PDZD8: variants seen among roughly 807,000 people sequenced by gnomAD.
PDZD8 encodes the protein PDZ domain-containing protein 8.
Under a neutral mutation model 85.8 loss-of-function variants are expected in PDZD8, and 14 were observed. The observed-to-expected ratio is 0.16, with a 90% CI of 0.11 to 0.26. The LOEUF (loss-of-function observed/expected upper bound fraction) is 0.26, where lower values mean the gene tolerates loss of function less well. Among genes scored for constraint, PDZD8 ranks in the 10% least tolerant of loss-of-function variants. The probability of loss-of-function intolerance (pLI) is 1.00; values close to 1 mark genes in which losing one functional copy is unlikely to be tolerated. For missense variants in PDZD8, 1,197 were observed against 1,424.3 expected, an observed-to-expected ratio of 0.84 and a Z score of 2.57; for synonymous variants, 592 against 568.6, an observed-to-expected ratio of 1.04 and a Z score of -0.59.
At chr10:117,364,049 G>C (rs537808956) in intron 1 of PDZD8, among the ~76,000 whole-genome samples, 4 of 152,258 alleles carry the variant, frequency 2.6e-5, no homozygotes, top group African/African-American at 9.6e-5. Context: ...AGAGAAGGTT[G>C]CAAACACATA....
intron 2 of PDZD8, among the ~76,000 whole-genome samples, chr10:117,327,194 A>G (rs527278961): frequency 1.9e-4 from 29 of 152,322 alleles, no homozygotes; most frequent in African/African-American, 7.0e-4. Context: ...ATGCAGAATG[A>G]TAGAAACTGA....
chr10:117,345,238 G>A (rs1490859243), intron 1 of PDZD8, among the ~76,000 whole-genome samples: 1 of 152,180 alleles, frequency 6.6e-6, no homozygotes, highest in Non-Finnish European at 1.5e-5. Flanking sequence ...TGGAGGTTGT[G>A]GTGAAAAGCA....
chr10:117,342,192 T>G (rs919867587), intron 1 of PDZD8, among the ~76,000 whole-genome samples: 2 of 152,226 alleles, frequency 1.3e-5, no homozygotes, highest in African/African-American at 4.8e-5. Flanking sequence ...AAGTTTGTGC[T>G]GAGTTATAAA....
At chr10:117,344,063 A>G (rs1844662492) in intron 1 of PDZD8, among the ~76,000 whole-genome samples, 1 of 152,160 alleles carries the variant, frequency 6.6e-6, no homozygotes, top group African/African-American at 2.4e-5. Flanking sequence ...CAGTTTTCTC[A>G]CTCAGGCTTC....
intron 2 of PDZD8, among the ~76,000 whole-genome samples, chr10:117,337,762 A>C (rs1430886927): frequency 6.6e-6 from 1 of 152,156 alleles, no homozygotes; most frequent in East Asian, 1.9e-4. Context: ...TCTGATTACA[A>C]TTACCAGCAA....
chr10:117,346,944 T>C (rs1347396203), intron 1 of PDZD8, among the ~76,000 whole-genome samples: 2 of 152,152 alleles, frequency 1.3e-5, no homozygotes, highest in Non-Finnish European at 2.9e-5. Context: ...CAAGCCTCTG[T>C]ACAAAACCTA....
In PDZD8 at chr10:117,310,717, C is replaced by T. The variant is rs955008845; in HGVS notation, c.1098+8155G>A. On this transcript the variant is annotated intron_variant, in intron 3 of 4. Coordinates refer to ENST00000334464, the MANE Select transcript of PDZD8 (RefSeq NM_173791.5). ...CAAGTATTATCAAATTGAACTAAAC[C>T]TGAGTTTTCATAAAAACTGACATTT... is the stretch of plus-strand genomic sequence containing the variant. Among the ~76,000 whole-genome samples the T allele has an allele frequency of 5.9e-5, 9 of 152,190 alleles. No homozygotes were observed. In the East Asian group the frequency reaches 1.4e-3, roughly 23 times the overall value.
At chr10:117,346,232 C>CAAAAA (rs59338641) in intron 1 of PDZD8, among the ~76,000 whole-genome samples, 1 of 63,658 alleles carries the variant, frequency 1.6e-5, no homozygotes, top group Non-Finnish European at 3.1e-5. Context: ...AAACTCCGTC[C>CAAAAA]AAAAAAAAAA....
chr10:117,337,720 T>C (rs1213425840), intron 2 of PDZD8, among the ~76,000 whole-genome samples: 1 of 152,202 alleles, frequency 6.6e-6, no homozygotes, highest in Non-Finnish European at 1.5e-5. Context: ...GTAGGTATCC[T>C]ATGTGGTAGG....
chr10:117,309,756 A>T (rs1844003938), intron 3 of PDZD8, among the ~76,000 whole-genome samples: 1 of 152,168 alleles, frequency 6.6e-6, no homozygotes, highest in South Asian at 2.1e-4. Flanking sequence ...TATGTGCTAA[A>T]TACTGTGCTG....
At chr10:117,308,364 A>G (rs1354976434) in intron 3 of PDZD8, among the ~76,000 whole-genome samples, 1 of 152,272 alleles carries the variant, frequency 6.6e-6, no homozygotes, top group Non-Finnish European at 1.5e-5. Flanking sequence ...AAACTTGTAC[A>G]AGAAAAAATA....
chr10:117,317,988 C>T (rs979227874), intron 3 of PDZD8, among the ~76,000 whole-genome samples: 3 of 152,076 alleles, frequency 2.0e-5, no homozygotes, highest in African/African-American at 7.2e-5. Context: ...TTCATACTGC[C>T]CAATTTTTAT....
In PDZD8 at chr10:117,284,206, A is replaced by C; in HGVS notation, c.2527T>G (p.Phe843Val). ...QMGLTENKHSFQDTQFQNPTW... is the reference protein window; with the variant it reads ...QMGLTENKHSVQDTQFQNPTW... ...GGGTTCTGGAACTGAGTATCCTGAAAACTGTGTTTGTTTTCTGTTAAACCC... is the reference window on the plus strand; with the variant it reads ...GGGTTCTGGAACTGAGTATCCTGAACACTGTGTTTGTTTTCTGTTAAACCC... Residue 843 changes from phenylalanine (F) to valine (V), a missense_variant, in exon 5 of 5, where the codon TTT (phenylalanine) becomes GTT (valine). Coordinates refer to ENST00000334464, the MANE Select transcript of PDZD8 (RefSeq NM_173791.5). The C allele has an allele frequency of 6.2e-7, 1 of 1,614,176 alleles. No individual in the cohort carries two copies. Among genetic ancestry groups the C allele is most frequent in the Non-Finnish European group, 8.5e-7 (1 of 1,180,040 alleles).
intron 3 of PDZD8, among the ~76,000 whole-genome samples, chr10:117,300,309 T>C (rs1167688086): frequency 1.3e-5 from 2 of 152,092 alleles, no homozygotes; most frequent in African/African-American, 2.4e-5. Context: ...TAAGCAGGAG[T>C]AGAATTAGAC....
Position 117,282,140 on chromosome 10 carries a change from A to C in PDZD8, c.*1128T>G, listed in dbSNP as rs1347460972. 1 of 152,182 alleles carries C rather than the reference A, an allele frequency of 6.6e-6. No homozygotes were observed. Among genetic ancestry groups the C allele is most frequent in the East Asian group, 1.9e-4 (1 of 5,188 alleles). The allele number at this position is 152,182 out of a possible 1,614,324, so 9.4% of individuals were successfully genotyped here. ...ACTCACTACAGAAGTATTCAGAATG[A>C]TCACCATTCCTTTACAACTGTAAGA... On this transcript the variant is annotated 3_prime_UTR_variant, in exon 5 of 5. Transcript: ENST00000334464.
chr10:117,372,007 T>C (rs1161700363), intron 1 of PDZD8, among the ~76,000 whole-genome samples: 4 of 152,200 alleles, frequency 2.6e-5, no homozygotes, highest in African/African-American at 9.7e-5. Context: ...CACTAGACTC[T>C]AAGCTTCCTG....
chr10:117,332,256 C>T (rs2794414), intron 2 of PDZD8, among the ~76,000 whole-genome samples: 116,817 of 151,956 alleles, frequency 0.77, 45,560 homozygotes, highest in Non-Finnish European at 0.85. Flanking sequence ...ATGTCTTATG[C>T]CTGAGCTAAT....
Position 117,375,006 on chromosome 10 carries a change from A to T in PDZD8, c.222T>A (p.Pro74=). The T allele has an allele frequency of 6.3e-7, 1 of 1,587,992 alleles. No individual in the cohort carries two copies. The highest frequency in any genetic ancestry group is 8.6e-7 in the Non-Finnish European group (1 of 1,167,508). The change falls in exon 1 of 5, where the codon CCT becomes CCA. Residue 74 remains proline, a synonymous_variant. Transcript: ENST00000334464. ...CCGCGGTGGGGGTCGCGCCGCCCTCAGGGGCCGCTCCGGAGGGCTCCTCAT... is the reference window on the plus strand; with the variant it reads ...CCGCGGTGGGGGTCGCGCCGCCCTCTGGGGCCGCTCCGGAGGGCTCCTCAT... ...GRDEEPSGAA[P]EGGATPTAAP... is the part of the protein sequence containing the mutation.
chr10:117,300,682 CATG>C (rs1469848381), intron 3 of PDZD8, among the ~76,000 whole-genome samples: 1 of 152,154 alleles, frequency 6.6e-6, no homozygotes, highest in African/African-American at 2.4e-5. Flanking sequence ...AACCCCCTAA[CATG>C]ATTGTATTAG....
Sources: gnomAD v4.1 joint callset for allele counts (sites outside exome capture counted in the v4.1 genomes callset) on GRCh38, gnomAD v4.1.1 for gene constraint, MANE v1.5 for transcripts, NCBI Gene and HGNC (gene_info 2026-07-23, HGNC 2026-07-21) for gene names.